POLR3A: variants seen among roughly 807,000 people sequenced by gnomAD.
POLR3A encodes the protein DNA-directed RNA polymerase III subunit RPC1.
POLR3A carries 112 observed loss-of-function variants against 152.8 expected under a neutral mutation model. The observed-to-expected ratio is 0.73, with a 90% CI of 0.63 to 0.86. POLR3A has a LOEUF of 0.86. Ranked by LOEUF, POLR3A falls within the 40% of genes least tolerant of loss-of-function variation. The pLI, the probability that POLR3A is intolerant of heterozygous loss-of-function variation, is 0.00. For missense variants in POLR3A, 1,385 were observed against 1,743.1 expected (o/e 0.79, Z 3.66); for synonymous variants, 615 against 652.1 (o/e 0.94, Z 0.87).
chr10:77,987,462 T>C (rs991872445), intron 21 of POLR3A, among the ~76,000 whole-genome samples: 4 of 152,072 alleles, frequency 2.6e-5, no homozygotes, highest in African/African-American at 9.7e-5. Flanking sequence ...GACTGCGTAC[T>C]GTGGTGGCCG....
At position 77,982,038 on chromosome 10, in the gene POLR3A, CAAAAAAA is replaced by C. The variant is rs553149963; in HGVS notation, c.3759+109_3759+115del. 291 of 276,896 alleles carry C rather than the reference CAAAAAAA, an allele frequency of 1.1e-3. No individual in the cohort carries two copies. In the African/African-American group the frequency reaches 0.012, roughly 11 times the overall value. 17.2% of individuals were successfully genotyped at this position (276,896 alleles called of 1,614,324 possible). Reference sequence around the variant, plus strand: ...TGGGCAACAGAGCAAGACTCCATCTCAAAAAAAAAAAAAAAAAAAAAAAAAAAAGAAG... The same window carrying C: ...TGGGCAACAGAGCAAGACTCCATCTCAAAAAAAAAAAAAAAAAAAAAGAAG... On this transcript the variant is annotated intron_variant, in intron 28 of 30. Transcript: ENST00000372371.
intron 1 of POLR3A, among the ~76,000 whole-genome samples, chr10:78,026,795 G>C (rs1847639718): frequency 6.6e-6 from 1 of 152,128 alleles, no homozygotes; most frequent in South Asian, 2.1e-4. Flanking sequence ...GCCAGCTACT[G>C]CTACCCAACT....
chr10:78,021,437 G>GT lies in POLR3A; in HGVS notation c.1185+108dup, dbSNP rs113600478. 21,855 of 1,059,690 alleles carry GT rather than the reference G, an allele frequency of 0.021. 2,746 individuals are homozygous for GT. The African/African-American group carries it at 0.29, about 14-fold the overall frequency. The allele number at this position is 1,059,690 out of a possible 1,614,324, so 65.6% of individuals were successfully genotyped here. A position where few individuals can be genotyped will look rare whatever the true frequency, so the allele number is the denominator to read the frequency against. ...TACACTCATATAAACCAAACTGTGG[G>GT]TTGAGTGGGTTACTGGGGACTTTCT... is the stretch of plus-strand genomic sequence containing the variant. On this transcript the variant is annotated intron_variant, in intron 8 of 30. Coordinates refer to ENST00000372371, the MANE Select transcript of POLR3A (RefSeq NM_007055.4).
rs550436426 is a variant in POLR3A, at chr10:78,021,568, T to C, written c.1163A>G (p.Lys388Arg). The C allele has an allele frequency of 1.1e-5, 18 of 1,614,122 alleles. No individual in the cohort carries two copies. In the African/African-American group the frequency reaches 2.3e-4, roughly 20 times the overall value. Residue 388 changes from lysine (K) to arginine (R), a missense_variant, in exon 8 of 31, where the codon AAA becomes AGA. Transcript: ENST00000372371. ...TACCTTCTCAGGAAAAGTTAGAATT[T>C]TGGCCACATGAACTGGCACAGCTAC... ...DEVAVPVHVA[K>R]ILTFPEKVNK...
chr10:77,986,996 C>T (rs1847204577), intron 21 of POLR3A, among the ~76,000 whole-genome samples: 1 of 152,194 alleles, frequency 6.6e-6, no homozygotes, highest in South Asian at 2.1e-4. Flanking sequence ...TTAGGATTTA[C>T]AGTGTGTCTG....
intron 9 of POLR3A, among the ~76,000 whole-genome samples, chr10:78,018,849 G>T (rs1697195093): frequency 6.6e-6 from 1 of 152,180 alleles, no homozygotes; most frequent in South Asian, 2.1e-4. Flanking sequence ...GCCTCACAAA[G>T]TGCTGGGATT....
At chr10:78,025,515 G>C in intron 3 of POLR3A, 107 bp downstream of exon 3, 4 of 1,034,596 alleles carry the variant, frequency 3.9e-6, no homozygotes, top group Non-Finnish European at 6.1e-6. Context: ...GTATAAAAGA[G>C]TCCCCTAGAT....
At chr10:78,024,038 C>CAAT (rs200395623) in intron 5 of POLR3A, among the ~76,000 whole-genome samples, 1 of 108,324 alleles carries the variant, frequency 9.2e-6, no homozygotes, top group Non-Finnish European at 2.3e-5. Flanking sequence ...AGCCTTAGTG[C>CAAT]CAGATAAACA....
At chr10:77,995,812 T>C (rs1287619194) in intron 19 of POLR3A, among the ~76,000 whole-genome samples, 1 of 152,222 alleles carries the variant, frequency 6.6e-6, no homozygotes, top group African/African-American at 2.4e-5. Context: ...CAAGCGGACC[T>C]AATAGACATC....
intron 21 of POLR3A, among the ~76,000 whole-genome samples, chr10:77,986,606 A>C (rs1236554341): frequency 6.6e-6 from 1 of 152,234 alleles, no homozygotes; most frequent in Non-Finnish European, 1.5e-5. Flanking sequence ...CAACTAAAGC[A>C]TAGCTTTGTT....
At chr10:78,024,772 T>A (rs751885689) in intron 4 of POLR3A, 69 bp from the exon 5 acceptor site, 53 of 1,462,332 alleles carry the variant, frequency 3.6e-5, no homozygotes, top group Non-Finnish European at 5.0e-5. Context: ...GATTGTAGTA[T>A]GGTTAATGAA....
chr10:78,016,460 TC>T (rs1165224821), intron 10 of POLR3A, among the ~76,000 whole-genome samples: 1 of 144,404 alleles, frequency 6.9e-6, no homozygotes, highest in Non-Finnish European at 1.5e-5. Context: ...ATGTCTGTAA[TC>T]CCAGCACTTT....
At chr10:78,007,976 G>A in intron 14 of POLR3A, 110 bp from the exon 15 acceptor site, 1 of 317,178 alleles carries the variant, frequency 3.2e-6, no homozygotes, top group Non-Finnish European at 5.1e-6. Context: ...ACTTAAAGCA[G>A]AACAAACAGA....
chr10:78,010,678 G>A (rs1847458900), intron 11 of POLR3A, 138 bp from the exon 12 acceptor site: 5 of 721,644 alleles, frequency 6.9e-6, no homozygotes, highest in South Asian at 1.5e-5. Context: ...GAAAGCCAGG[G>A]GTCTGAATCC....
Position 78,014,464 on chromosome 10 carries a change from T to C in POLR3A, c.1432-674A>G, listed in dbSNP as rs986693997. ...CGTAGTCTCACTCTGTTGTCCTGGCTGGAGTGCAATGGTGCAATCTCGGCT... is the reference window on the plus strand; with the variant it reads ...CGTAGTCTCACTCTGTTGTCCTGGCCGGAGTGCAATGGTGCAATCTCGGCT... On this transcript the variant is annotated intron_variant, in intron 10 of 30. Coordinates refer to ENST00000372371, the MANE Select transcript of POLR3A (RefSeq NM_007055.4). Among the ~76,000 whole-genome samples the C allele has an allele frequency of 3.3e-5, 5 of 152,326 alleles. No individual in the cohort carries two copies. In the East Asian group the frequency reaches 9.7e-4, roughly 29 times the overall value.
chr10:78,007,736 C>T lies in POLR3A; in HGVS notation c.2040G>A (p.Met680Ile), dbSNP rs1340472505. ...DWGQNEAADA[M>I]SRLARLAPVY... is the part of the protein sequence containing the mutation. ...CAGGAGCCAGCCTGGCGAGCCGTGA[C>T]ATGGCATCTGCAGCTTCATTCTGTC... Residue 680 changes from methionine to isoleucine, a missense_variant, in exon 15 of 31, where the codon ATG becomes ATA. Met to Ile is a conservative substitution (Grantham distance 10). Coordinates refer to ENST00000372371, the MANE Select transcript of POLR3A (RefSeq NM_007055.4). 1.9e-6 allele frequency: 3 copies of T among 1,613,968 alleles called. No homozygotes were observed. Among genetic ancestry groups the T allele is most frequent in the African/African-American group, 1.3e-5 (1 of 74,906 alleles).
In POLR3A at chr10:78,022,307, G is replaced by A. The variant is rs369355667; in HGVS notation, c.723C>T (p.Asn241=). The A allele has an allele frequency of 2.5e-6, 4 of 1,613,954 alleles. No individual in the cohort carries two copies. The highest frequency in any genetic ancestry group is 3.4e-6 in the Non-Finnish European group (4 of 1,179,954). Residue 241 remains asparagine (N), a synonymous_variant, in exon 6 of 31, where the codon AAC becomes AAT. Coordinates refer to ENST00000372371, the MANE Select transcript of POLR3A (RefSeq NM_007055.4). ...PAEDVPLLLM[N]PEAGKPSDLI... ...AATCAGACGGCTTTCCGGCTTCTGG[G>A]TTCATCAGAAGTAGAGGAACATCTT...
chr10:77,990,420 T>TA (rs1264716440), intron 21 of POLR3A, among the ~76,000 whole-genome samples: 1 of 152,082 alleles, frequency 6.6e-6, no homozygotes, highest in Non-Finnish European at 1.5e-5. Context: ...GCTCACAAGA[T>TA]AGAGTAGGTA....
In POLR3A at chr10:78,021,867, T is replaced by C; in HGVS notation, c.1041A>G (p.Gly347=). ...WTRGFVQRLK[G]KQGRFRGNLS... ...ATCTTGTGGGAAACCTACCCTGTTT[T>C]CCCTTCAGGCGTTGGACGAAGCCTC... Residue 347 remains glycine (G), a synonymous_variant, in exon 7 of 31, where the codon GGA becomes GGG. Transcript: ENST00000372371. The C allele has an allele frequency of 6.2e-7, 1 of 1,613,824 alleles. No homozygotes were observed. The highest frequency in any genetic ancestry group is 1.3e-5 in the African/African-American group (1 of 75,018).
Sources: gnomAD v4.1 joint callset for allele counts (sites outside exome capture counted in the v4.1 genomes callset) on GRCh38, gnomAD v4.1.1 for gene constraint, MANE v1.5 for transcripts, NCBI Gene and HGNC (gene_info 2026-07-23, HGNC 2026-07-21) for gene names.